Variants in TUBE1 observed in about 807,000 individuals in gnomAD.
The protein encoded by TUBE1 is tubulin epsilon chain.
TUBE1 carries 34 observed loss-of-function variants against 53.5 expected under a neutral mutation model. The ratio of observed to expected loss-of-function variants is 0.64; its 90% CI spans 0.48 to 0.85. The LOEUF is 0.85. Among genes scored for constraint, TUBE1 ranks in the 40% least tolerant of loss-of-function variants. The pLI is 0.00. For synonymous variants in TUBE1, 177 were observed against 198.4 expected (o/e 0.89, Z 0.91); for missense variants, 532 against 570.5 (o/e 0.93, Z 0.69).
At chr6:112,080,131 C>T (rs1777047057) in intron 5 of TUBE1, among the ~76,000 whole-genome samples, 1 of 151,734 alleles carries the variant, frequency 6.6e-6, no homozygotes, top group African/African-American at 2.4e-5. Flanking sequence ...ATTTTACATA[C>T]TAAAAAGCAA....
rs782054921 is a variant in TUBE1 at position 112,071,986 on chromosome 6, C to T, written c.1185G>A (p.Ser395=). The change falls in exon 11 of 12, where the codon TCG becomes TCA. Residue 395 remains serine (S), a synonymous_variant. Transcript: ENST00000368662. ...CSVPPVGHSH[S]LLALANNTCV... is the part of the protein sequence containing the mutation. ...ATGTGTTATTTGCTAAAGCTAATAA[C>T]GAATGAGAATGGCCCACAGGAGGTA... is the stretch of plus-strand genomic sequence containing the variant. 39 of 1,612,748 alleles carry T rather than the reference C, an allele frequency of 2.4e-5. No individual in the cohort carries two copies. Among genetic ancestry groups the T allele is most frequent in the East Asian group, 1.3e-4 (6 of 44,846 alleles).
chr6:112,083,909 C>T lies in TUBE1; in HGVS notation c.210+280G>A, dbSNP rs587673913. ...AATAAAACATTAAACTGTACTAGTA[C>T]GTATTTCAGGTCCTTAGAGTTAAGA... On this transcript the variant is annotated intron_variant, in intron 4 of 11. Coordinates refer to ENST00000368662, the MANE Select transcript of TUBE1 (RefSeq NM_016262.5). 74 of 356,520 alleles carry T rather than the reference C, an allele frequency of 2.1e-4. 2 individuals carry two copies. The highest frequency in any genetic ancestry group is 1.4e-3 in the African/African-American group (66 of 47,264). 22.1% of individuals were successfully genotyped at this position (356,520 alleles called of 1,614,324 possible).
intron 4 of TUBE1, among the ~76,000 whole-genome samples, chr6:112,082,636 GT>G (rs1417957714): frequency 6.6e-6 from 1 of 152,128 alleles, no homozygotes; most frequent in African/African-American, 2.4e-5. Flanking sequence ...ACCTCCCTTA[GT>G]TACATCAGGC....
chr6:112,086,932 A>C, intron 2 of TUBE1: 1 of 501,458 alleles, frequency 2.0e-6, no homozygotes. Context: ...TACAATAACC[A>C]CACGTGTTAT....
chr6:112,070,985 A>C lies in TUBE1; in HGVS notation c.*427T>G, dbSNP rs1776846731. The C allele has an allele frequency of 6.6e-6, 1 of 152,134 alleles. No individual in the cohort carries two copies. The highest frequency in any genetic ancestry group is 1.5e-5 in the Non-Finnish European group (1 of 67,980). 9.4% of individuals were successfully genotyped at this position (152,134 alleles called of 1,614,324 possible). ...GTGGCTATTACACGGAAATATTTAT[A>C]TTGTGTTCTTCTACTCCCAATAACT... On this transcript the variant is annotated 3_prime_UTR_variant, in exon 12 of 12. Transcript: ENST00000368662.
chr6:112,084,938 A>G (rs1777125091), intron 3 of TUBE1, among the ~76,000 whole-genome samples: 1 of 152,234 alleles, frequency 6.6e-6, no homozygotes, highest in Non-Finnish European at 1.5e-5. Flanking sequence ...GACGGAATAT[A>G]TGAAGGGTAG....
intron 9 of TUBE1, among the ~76,000 whole-genome samples, chr6:112,074,441 T>A (rs1165279961): frequency 6.6e-6 from 1 of 152,148 alleles, no homozygotes; most frequent in African/African-American, 2.4e-5. Flanking sequence ...ACAGTTAGGA[T>A]TCAAATGTGT....
At position 112,072,025 on chromosome 6, in the gene TUBE1, G is replaced by A; in HGVS notation, c.1146C>T (p.Thr382=). 6.2e-6 allele frequency: 10 copies of A among 1,610,150 alleles called. No homozygotes were observed. Among genetic ancestry groups the A allele is most frequent in the Non-Finnish European group, 8.5e-6 (10 of 1,178,376 alleles). Residue 382 remains threonine, a synonymous_variant, in exon 11 of 12, where the codon ACC becomes ACT. Transcript: ENST00000368662. Reference sequence around the variant, plus strand: ...CCACAGGAGGTACGGAACACAGGCTGGTCTTCCAGCCTTCTTGATTCCAGG... The same window carrying A: ...CCACAGGAGGTACGGAACACAGGCTAGTCTTCCAGCCTTCTTGATTCCAGG... ...FVSWNQEGWK[T]SLCSVPPVGH...
At chr6:112,078,338 C>A (rs922223219) in intron 6 of TUBE1, 5 of 151,926 alleles carry the variant, frequency 3.3e-5, no homozygotes, top group Admixed American at 6.5e-5. Flanking sequence ...ACACTTAATA[C>A]CCATAAATAA....
At chr6:112,087,156 TCAAGTCGA>T in intron 2 of TUBE1, 69 bp downstream of exon 2, 1 of 1,308,750 alleles carries the variant, frequency 7.6e-7, no homozygotes. Flanking sequence ...AGATGAAAGC[TCAAGTCGA>T]TTATTTCCTG....
In TUBE1 at chr6:112,087,259, G is replaced by A. The variant is rs1469851493; in HGVS notation, c.73C>T (p.Leu25=). 3.2e-6 allele frequency: 5 copies of A among 1,551,592 alleles called. No individual in the cohort carries two copies. The African/African-American group carries it at 6.8e-5, about 21-fold the overall frequency. ...TGGTTGACCGCGGCGTGCTCCCTTAGTGCCAGGTCCCAGAAGCAGCAGCCG... is the reference window on the plus strand; with the variant it reads ...TGGTTGACCGCGGCGTGCTCCCTTAATGCCAGGTCCCAGAAGCAGCAGCCG... ...QIGCCFWDLA[L]REHAAVNQKG... Residue 25 remains leucine, a synonymous_variant, in exon 2 of 12, where the codon CTA becomes TTA. Coordinates refer to ENST00000368662, the MANE Select transcript of TUBE1 (RefSeq NM_016262.5).
In TUBE1 at chr6:112,071,963, G is replaced by C. The variant is rs373944628; in HGVS notation, c.1208C>G (p.Thr403Arg). 3.7e-6 allele frequency: 6 copies of C among 1,612,332 alleles called. No individual in the cohort carries two copies. Among genetic ancestry groups the C allele is most frequent in the Non-Finnish European group, 5.1e-6 (6 of 1,179,424 alleles). The part of the protein sequence containing the change: ...SHSLLALANN[T>R]CVKPTFMELK... ...TTCCATGAAGGTGGGCTTCACACAT[G>C]TGTTATTTGCTAAAGCTAATAACGA... is the stretch of plus-strand genomic sequence containing the variant. The change falls in exon 11 of 12, where the codon ACA (threonine) becomes AGA (arginine). Residue 403 changes from threonine to arginine, a missense_variant. Transcript: ENST00000368662.
At chr6:112,079,879 A>G (rs1473205415) in intron 5 of TUBE1, 125 bp from the exon 6 acceptor site, 15 of 886,778 alleles carry the variant, frequency 1.7e-5, no homozygotes, top group East Asian at 2.8e-5. Flanking sequence ...AGTAAAGTCT[A>G]TTCTTGTTTC....
chr6:112,076,083 G>T lies in TUBE1; in HGVS notation c.666C>A (p.Asp222Glu). The change falls in exon 8 of 12, where the codon GAC (aspartate) becomes GAA (glutamate). Residue 222 changes from aspartate (D) to glutamate (E), a missense_variant. Transcript: ENST00000368662. ...QSLFDIISKI[D>E]LMVNSGKLGT... ...CCAACTTTCCAGAATTCACCATGAG[G>T]TCGATTTTGCTAATGATGTCAAATA... 6.2e-7 allele frequency: 1 copy of T among 1,612,716 alleles called. No individual in the cohort carries two copies. The highest frequency in any genetic ancestry group is 8.5e-7 in the Non-Finnish European group (1 of 1,179,396).
Position 112,074,734 on chromosome 6 carries a change from G to T in TUBE1, c.929C>A (p.Thr310Lys). 6.4e-7 allele frequency: 1 copy of T among 1,559,576 alleles called. No homozygotes were observed. Among genetic ancestry groups the T allele is most frequent in the South Asian group, 1.3e-5 (1 of 79,544 alleles). Residue 310 changes from threonine (T) to lysine (K), a missense_variant, in exon 9 of 12, where the codon ACA becomes AAA. By Grantham distance (78) the Thr-to-Lys change is moderately conservative (BLOSUM62 -1). Transcript: ENST00000368662. ...CCTTCTAGGAGGAATGTTAACATCT[G>T]TCAGTGTATACAGAGGTGTTAGGCT... Reference protein sequence around the residue: ...VSSLTPLYTLTDVNIPPRRLD... With the variant: ...VSSLTPLYTLKDVNIPPRRLD...
At chr6:112,086,190 T>C (rs1438245915) in intron 3 of TUBE1, among the ~76,000 whole-genome samples, 1 of 152,206 alleles carries the variant, frequency 6.6e-6, no homozygotes, top group African/African-American at 2.4e-5. Flanking sequence ...ATCCAACAAC[T>C]GCTTGTCACC....
In TUBE1 at chr6:112,084,223, ATACT is replaced by A; in HGVS notation, c.172_175del (p.Ser58PhefsTer9). 6.2e-7 allele frequency: 1 copy of A among 1,613,510 alleles called. No homozygotes were observed. The highest frequency in any genetic ancestry group is 8.5e-7 in the Non-Finnish European group (1 of 1,179,512). On this transcript the variant is annotated frameshift_variant, in exon 4 of 12. Coordinates refer to ENST00000368662, the MANE Select transcript of TUBE1 (RefSeq NM_016262.5). LOFTEE classifies it high-confidence loss of function. ...TAAAGAACATATTTTTCCCTTGGAAATACTTCCACCATCACCAACCACTCTGAAA... is the reference window on the plus strand; with the variant it reads ...TAAAGAACATATTTTTCCCTTGGAAATCCACCATCACCAACCACTCTGAAA...
Position 112,071,173 on chromosome 6 carries a change from C to A in TUBE1, c.*239G>T. 2.7e-6 allele frequency: 1 copy of A among 375,502 alleles called. No individual in the cohort carries two copies. The highest frequency in any genetic ancestry group is 4.7e-6 in the Non-Finnish European group (1 of 210,776). 23.3% of individuals were successfully genotyped at this position (375,502 alleles called of 1,614,324 possible). On this transcript the variant is annotated 3_prime_UTR_variant, in exon 12 of 12. Coordinates refer to ENST00000368662, the MANE Select transcript of TUBE1 (RefSeq NM_016262.5). ...AAAATATTCAAGAACTATGTTATCT[C>A]AATTTTAGAAAAGGGAACTTTTCTG...
In TUBE1 at chr6:112,076,556, A is replaced by G. The variant is rs782551819; in HGVS notation, c.449-47T>C. 9 of 1,479,530 alleles carry G rather than the reference A, an allele frequency of 6.1e-6. No homozygotes were observed. The East Asian group carries it at 7.0e-5, about 12-fold the overall frequency. 91.7% of individuals were successfully genotyped at this position (1,479,530 alleles called of 1,614,324 possible). Reference sequence around the variant, plus strand: ...AAAATTAGCATAAATGATTCAGAATATAATTGTGAAGAATTTGAAACTTTA... The same window carrying G: ...AAAATTAGCATAAATGATTCAGAATGTAATTGTGAAGAATTTGAAACTTTA... On this transcript the variant is annotated intron_variant, in intron 6 of 11. Coordinates refer to ENST00000368662, the MANE Select transcript of TUBE1 (RefSeq NM_016262.5).
Sources: gnomAD v4.1 joint callset for allele counts (sites outside exome capture counted in the v4.1 genomes callset) on GRCh38, gnomAD v4.1.1 for gene constraint, MANE v1.5 for transcripts, NCBI Gene and HGNC (gene_info 2026-07-23, HGNC 2026-07-21) for gene names.